COQ5: variants seen among roughly 807,000 people sequenced by gnomAD.
The protein encoded by COQ5 is coenzyme Q5, methyltransferase.
A neutral mutation model predicts 40.5 loss-of-function variants in COQ5; 27 were observed. The ratio of observed to expected loss-of-function variants is 0.67; its 90% CI spans 0.49 to 0.92. The LOEUF is 0.92. Ranked by LOEUF, COQ5 falls within the 40% of genes least tolerant of loss-of-function variation. The pLI is 0.00. For synonymous variants in COQ5, 141 were observed against 150.0 expected, an observed-to-expected ratio of 0.94 and a Z score of 0.44; for missense variants, 409 against 406.4, an observed-to-expected ratio of 1.01 and a Z score of -0.06.
chr12:120,507,086 G>A (rs1413959630), intron 4 of COQ5, among the ~76,000 whole-genome samples: 3 of 152,068 alleles, frequency 2.0e-5, no homozygotes, highest in Admixed American at 6.6e-5. Flanking sequence ...TGCCCGCCTC[G>A]GCCTCCCGAA....
chr12:120,523,527 G>T, intron 1 of COQ5: 1 of 211,678 alleles, frequency 4.7e-6, no homozygotes, highest in Non-Finnish European at 9.6e-6. Flanking sequence ...TTAATAAGAG[G>T]CTTAAATGTA....
At chr12:120,524,054 G>A in intron 1 of COQ5, 1 of 280,306 alleles carries the variant, frequency 3.6e-6, no homozygotes, top group South Asian at 2.7e-5. Context: ...GAAAGACCTC[G>A]GCTCATGTCT....
At chr12:120,523,439 G>A in intron 1 of COQ5, 1 of 404,566 alleles carries the variant, frequency 2.5e-6, no homozygotes, top group South Asian at 2.0e-5. Flanking sequence ...CTTAGACTTG[G>A]CCATGTCTGC....
intron 3 of COQ5, among the ~76,000 whole-genome samples, chr12:120,512,942 T>C (rs935063527): frequency 4.0e-5 from 6 of 149,500 alleles, no homozygotes; most frequent in African/African-American, 1.5e-4. Context: ...CCTATAATCC[T>C]AGCTACTCAC....
chr12:120,520,927 T>C (rs1869616807), intron 2 of COQ5, among the ~76,000 whole-genome samples: 3 of 151,818 alleles, frequency 2.0e-5, no homozygotes, highest in Admixed American at 1.3e-4. Context: ...CAAAAACTTA[T>C]ATAAAGTGAT....
At chr12:120,513,391 G>A (rs185582562) in intron 3 of COQ5, among the ~76,000 whole-genome samples, 2 of 150,898 alleles carry the variant, frequency 1.3e-5, no homozygotes, top group Non-Finnish European at 3.0e-5. Flanking sequence ...AGTCCCAGCT[G>A]CTGCGGAGGC....
intron 2 of COQ5, 38 bp downstream of exon 2, chr12:120,522,176 T>C: frequency 2.5e-6 from 4 of 1,611,910 alleles, no homozygotes; most frequent in Non-Finnish European, 3.4e-6. Flanking sequence ...CTGTAAAACA[T>C]GCTCAATGGT....
chr12:120,513,580 G>A (rs2137083510), intron 3 of COQ5, among the ~76,000 whole-genome samples: 1 of 148,662 alleles, frequency 6.7e-6, no homozygotes, highest in African/African-American at 2.5e-5. Flanking sequence ...CTGTCACCCA[G>A]TCTGTAGTGT....
intron 2 of COQ5, among the ~76,000 whole-genome samples, chr12:120,518,518 C>A (rs1295803340): frequency 6.6e-6 from 1 of 150,670 alleles, no homozygotes; most frequent in Non-Finnish European, 1.5e-5. Context: ...ATATGTCCAA[C>A]CAATTAGGTA....
chr12:120,513,186 T>C (rs1869215942), intron 3 of COQ5, among the ~76,000 whole-genome samples: 1 of 145,050 alleles, frequency 6.9e-6, no homozygotes, highest in Non-Finnish European at 1.5e-5. Context: ...ATAAAACACA[T>C]AACCATGCTA....
intron 3 of COQ5, among the ~76,000 whole-genome samples, chr12:120,510,637 TTGTC>T (rs1869088788): frequency 6.6e-6 from 1 of 152,158 alleles, no homozygotes; most frequent in African/African-American, 2.4e-5. Flanking sequence ...ATAAACTACT[TTGTC>T]TGTTTCCTCA....
At chr12:120,525,662 T>C (rs1286347174) in intron 1 of COQ5, among the ~76,000 whole-genome samples, 4 of 151,992 alleles carry the variant, frequency 2.6e-5, no homozygotes, top group Non-Finnish European at 5.9e-5. Context: ...CAGTGGCTCA[T>C]GCCTATAATC....
intron 3 of COQ5, among the ~76,000 whole-genome samples, chr12:120,516,321 T>C (rs1869370678): frequency 6.6e-6 from 1 of 152,154 alleles, no homozygotes; most frequent in African/African-American, 2.4e-5. Flanking sequence ...GGTAAGATTC[T>C]TGACTTACTT....
rs1351126591 is a variant in COQ5, at chr12:120,504,558, G to GT, written c.770+336_770+337insA. 56 of 199,682 alleles carry GT rather than the reference G, an allele frequency of 2.8e-4. No individual in the cohort carries two copies. In the African/African-American group the frequency reaches 3.4e-3, roughly 12 times the overall value. The allele number at this position is 199,682 out of a possible 1,614,324, so 12.4% of individuals were successfully genotyped here. A position where few individuals can be genotyped will look rare whatever the true frequency, so the allele number is the denominator to read the frequency against. Reference sequence around the variant, plus strand: ...CCACTGCACTTGGCCCAAATTTCCTGATTTTTTTTTTTTTAAGCCAGTCAA... The same window carrying GT: ...CCACTGCACTTGGCCCAAATTTCCTGTATTTTTTTTTTTTTAAGCCAGTCAA... On this transcript the variant is annotated intron_variant, in intron 5 of 6. Transcript: ENST00000288532.
chr12:120,526,415 T>C, intron 1 of COQ5: 1 of 454,260 alleles, frequency 2.2e-6, no homozygotes, highest in Middle Eastern at 3.3e-4. Flanking sequence ...CTGGAGAGAC[T>C]CTAGACATAC....
intron 4 of COQ5, among the ~76,000 whole-genome samples, chr12:120,508,152 C>T (rs547990206): frequency 6.6e-6 from 1 of 152,034 alleles, no homozygotes; most frequent in Middle Eastern, 3.4e-3. Context: ...CGTGCCGCCA[C>T]GCCCAGCTAA....
At chr12:120,521,988 C>T (rs1869683077) in intron 2 of COQ5, among the ~76,000 whole-genome samples, 1 of 151,566 alleles carries the variant, frequency 6.6e-6, no homozygotes, top group Admixed American at 6.6e-5. Context: ...CAGAGTGAGA[C>T]TCCTATCTCA....
intron 3 of COQ5, among the ~76,000 whole-genome samples, chr12:120,510,335 G>C (rs1394407133): frequency 6.6e-6 from 1 of 151,158 alleles, no homozygotes; most frequent in Non-Finnish European, 1.5e-5. Flanking sequence ...TTTAGACATG[G>C]GGAGGTCTTG....
At chr12:120,516,978 A>C (rs1178352071) in intron 2 of COQ5, among the ~76,000 whole-genome samples, 190 bp from the exon 3 acceptor site, 2 of 152,214 alleles carry the variant, frequency 1.3e-5, no homozygotes, top group African/African-American at 4.8e-5. Context: ...CCATCACCCT[A>C]GCTGGAGTGC....
Sources: gnomAD v4.1 joint callset for allele counts (sites outside exome capture counted in the v4.1 genomes callset) on GRCh38, gnomAD v4.1.1 for gene constraint, MANE v1.5 for transcripts, NCBI Gene and HGNC (gene_info 2026-07-23, HGNC 2026-07-21) for gene names.